The following CFAP300 variants were observed in gnomAD, a reference collection of about 807,000 sequenced individuals.
CFAP300 encodes cilia and flagella associated protein 300.
CFAP300 carries 32 observed loss-of-function variants against 33.0 expected under a neutral mutation model. The ratio of observed to expected loss-of-function variants is 0.97; its 90% CI spans 0.73 to 1.30. The LOEUF (loss-of-function observed/expected upper bound fraction) is 1.30. CFAP300 is among the 50% of genes most tolerant of loss of function. The pLI, the probability that CFAP300 is intolerant of heterozygous loss-of-function variation, is 0.00. For synonymous variants in CFAP300, 102 were observed against 106.8 expected, an observed-to-expected ratio of 0.95 and a Z score of 0.28; for missense variants, 356 against 318.1, an observed-to-expected ratio of 1.12 and a Z score of -0.90.
chr11:102,070,292 G>A (rs547404518), intron 4 of CFAP300, among the ~76,000 whole-genome samples: 30 of 152,174 alleles, frequency 2.0e-4, no homozygotes, highest in African/African-American at 3.1e-4. Flanking sequence ...AATAAACTGT[G>A]TATGGACAAC....
intron 5 of CFAP300, among the ~76,000 whole-genome samples, chr11:102,080,846 T>C (rs1463399114): frequency 6.6e-6 from 1 of 152,236 alleles, no homozygotes; most frequent in Non-Finnish European, 1.5e-5. Flanking sequence ...TTTACATTGT[T>C]TAAGTCTTCA....
At chr11:102,061,886 C>T (rs1045930898) in intron 3 of CFAP300, among the ~76,000 whole-genome samples, 1 of 152,188 alleles carries the variant, frequency 6.6e-6, no homozygotes, top group Non-Finnish European at 1.5e-5. Flanking sequence ...CATAGTGATG[C>T]ATTACATGTC....
chr11:102,054,050 T>C (rs1202816291), intron 2 of CFAP300, among the ~76,000 whole-genome samples: 2 of 152,208 alleles, frequency 1.3e-5, no homozygotes, highest in African/African-American at 2.4e-5. Context: ...TTGCTGGTTG[T>C]TACACTGTTG....
intron 2 of CFAP300, among the ~76,000 whole-genome samples, chr11:102,053,482 C>T (rs554425675): frequency 4.6e-5 from 7 of 151,920 alleles, no homozygotes; most frequent in South Asian, 2.1e-4. Context: ...ACCCAGGAGG[C>T]GGAGGCTGCG....
Position 102,073,078 on chromosome 11 carries a change from G to A in CFAP300, c.436-2795G>A, listed in dbSNP as rs138881091. 3.8e-4 allele frequency among the ~76,000 whole-genome samples: 58 copies of A among 152,290 alleles called. 2 individuals are homozygous for A. The East Asian group carries it at 0.011, about 28-fold the overall frequency. ...GCAGTGTAGGCAGGCAGTGGTGTTA[G>A]CAGGTCCAAGCAGGCTGATTCTTGG... On this transcript the variant is annotated intron_variant, in intron 4 of 6. Coordinates refer to ENST00000434758, the MANE Select transcript of CFAP300 (RefSeq NM_032930.3).
chr11:102,064,926 G>C (rs1333446058), intron 3 of CFAP300, among the ~76,000 whole-genome samples: 1 of 152,088 alleles, frequency 6.6e-6, no homozygotes, highest in African/African-American at 2.4e-5. Context: ...TGTGGGATAG[G>C]GAATGGAGGA....
At chr11:102,054,220 CA>C (rs1225571041) in intron 2 of CFAP300, among the ~76,000 whole-genome samples, 1 of 152,200 alleles carries the variant, frequency 6.6e-6, no homozygotes, top group Non-Finnish European at 1.5e-5. Flanking sequence ...TCTATATGAA[CA>C]TTTTTTCCCA....
At chr11:102,058,764 C>A in intron 2 of CFAP300, 116 bp from the exon 3 acceptor site, 1 of 633,112 alleles carries the variant, frequency 1.6e-6, no homozygotes, top group Non-Finnish European at 2.7e-6. Context: ...GACATTTTAC[C>A]AATTTAAAAT....
chr11:102,059,373 G>C (rs997680452), intron 3 of CFAP300, among the ~76,000 whole-genome samples: 8 of 151,756 alleles, frequency 5.3e-5, no homozygotes, highest in Non-Finnish European at 1.0e-4. Flanking sequence ...CAAGGGCCAG[G>C]CATGGTGGCT....
intron 3 of CFAP300, among the ~76,000 whole-genome samples, chr11:102,062,071 G>C (rs1167780515): frequency 6.6e-6 from 1 of 152,136 alleles, no homozygotes; most frequent in Non-Finnish European, 1.5e-5. Flanking sequence ...GAGGGCACTA[G>C]GGTGGGGCCC....
intron 5 of CFAP300, among the ~76,000 whole-genome samples, chr11:102,080,926 A>T (rs1367428144): frequency 6.6e-6 from 1 of 152,152 alleles, no homozygotes. Context: ...ATCCCTATTC[A>T]TCCAATAATT....
chr11:102,072,068 G>A (rs1942321280), intron 4 of CFAP300, among the ~76,000 whole-genome samples: 1 of 152,024 alleles, frequency 6.6e-6, no homozygotes, highest in African/African-American at 2.4e-5. Flanking sequence ...TTGTTAAATA[G>A]ATTTTTTTTA....
chr11:102,061,333 G>A (rs1268760975), intron 3 of CFAP300, among the ~76,000 whole-genome samples: 2 of 151,318 alleles, frequency 1.3e-5, no homozygotes, highest in Admixed American at 6.6e-5. Flanking sequence ...TTTTCCTCTG[G>A]GGCCCTTTTA....
intron 2 of CFAP300, among the ~76,000 whole-genome samples, chr11:102,053,228 CA>C (rs954559423): frequency 3.4e-5 from 5 of 145,154 alleles, no homozygotes; most frequent in South Asian, 2.2e-4. Flanking sequence ...AACTCCTTCT[CA>C]AAAAAAAATA....
intron 2 of CFAP300, among the ~76,000 whole-genome samples, chr11:102,053,269 G>T (rs1370062392): frequency 6.7e-6 from 1 of 150,304 alleles, no homozygotes; most frequent in Non-Finnish European, 1.5e-5. Context: ...TTAAAAAAAG[G>T]CTGGGCACAG....
intron 2 of CFAP300, among the ~76,000 whole-genome samples, chr11:102,054,288 T>C (rs1942015434): frequency 1.3e-5 from 2 of 152,256 alleles, no homozygotes; most frequent in African/African-American, 4.8e-5. Context: ...CGCTTTTTTG[T>C]AGTATACATG....
intron 4 of CFAP300, among the ~76,000 whole-genome samples, chr11:102,072,589 T>C (rs1942329164): frequency 6.6e-6 from 1 of 152,064 alleles, no homozygotes; most frequent in African/African-American, 2.4e-5. Context: ...AGGTGTGAGG[T>C]ACCATGCCTG....
Position 102,075,882 on chromosome 11 carries a change from G to A in CFAP300, c.445G>A (p.Val149Met), listed in dbSNP as rs1942387406. 1 of 1,609,792 alleles carries A rather than the reference G, an allele frequency of 6.2e-7. No homozygotes were observed. The highest frequency in any genetic ancestry group is 8.5e-7 in the Non-Finnish European group (1 of 1,178,350). ...ISDELRRVLL[V>M]EDSEKYEIFS... ...AATTTTATCGTCTTAGGTTTTGCTAGTGGAAGACTCAGAAAAATATGAAAT... is the reference window on the plus strand; with the variant it reads ...AATTTTATCGTCTTAGGTTTTGCTAATGGAAGACTCAGAAAAATATGAAAT... Residue 149 changes from valine (V) to methionine (M), a missense_variant, in exon 5 of 7, where the codon GTG becomes ATG. By Grantham distance (21) the Val-to-Met change is conservative. Transcript: ENST00000434758.
At chr11:102,052,003 T>G (rs1941978650) in intron 2 of CFAP300, among the ~76,000 whole-genome samples, 2 of 152,246 alleles carry the variant, frequency 1.3e-5, no homozygotes, top group Non-Finnish European at 2.9e-5. Flanking sequence ...AAATCTCTTC[T>G]AATGCCTTAC....
Sources: gnomAD v4.1 joint callset for allele counts (sites outside exome capture counted in the v4.1 genomes callset) on GRCh38, gnomAD v4.1.1 for gene constraint, MANE v1.5 for transcripts, NCBI Gene and HGNC (gene_info 2026-07-23, HGNC 2026-07-21) for gene names.